The following NACC2 variants were observed in gnomAD, a reference collection of about 807,000 sequenced individuals.
NACC2 encodes nucleus accumbens-associated protein 2.
Under a neutral mutation model 25.1 loss-of-function variants are expected in NACC2, and 8 were observed. The ratio of observed to expected loss-of-function variants is 0.32; its 90% confidence interval spans 0.19 to 0.57. The LOEUF is 0.57. NACC2 is among the 20% of genes least tolerant of loss of function. The pLI is 0.89. For synonymous variants in NACC2, 435 were observed against 294.7 expected, an observed-to-expected ratio of 1.48 and a Z score of -4.88; for missense variants, 644 against 650.2, an observed-to-expected ratio of 0.99 and a Z score of 0.10.
At chr9:136,059,339 TC>T (rs1484952761) in intron 1 of NACC2, among the ~76,000 whole-genome samples, 12 of 152,076 alleles carry the variant, frequency 7.9e-5, no homozygotes, top group Non-Finnish European at 2.9e-5. Flanking sequence ...CACCAGCCCA[TC>T]CGGAGCAGGG....
intron 2 of NACC2, among the ~76,000 whole-genome samples, chr9:136,040,469 A>G (rs1658931099): frequency 1.3e-5 from 2 of 152,202 alleles, no homozygotes; most frequent in South Asian, 4.1e-4. Flanking sequence ...AAATACATGC[A>G]AAAAATATGT....
Position 136,049,877 on chromosome 9 carries a change from AG to A in NACC2, c.644del (p.Pro215LeufsTer147). ...AGTAGGAGACACGGGGCAGTTTGAG[AG>A]GGGCTGTGCCCGCCGCCACCGCAGC... Reference protein sequence around the residue: ...AGAAVAAGTAPLKLPRVSYYG... With the variant: ...AGAAVAAGTAXLKLPRVSYYG... On this transcript the variant is annotated frameshift_variant, in exon 2 of 6. Transcript: ENST00000277554. LOFTEE classifies it high-confidence loss of function. 1 of 625,920 alleles carries A rather than the reference AG, an allele frequency of 1.6e-6. No individual in the cohort carries two copies. The allele number at this position is 625,920 out of a possible 1,614,324, so 38.8% of individuals were successfully genotyped here.
In NACC2 at chr9:136,049,629, G is replaced by C. The variant is rs918761871; in HGVS notation, c.886+7C>G. 8 of 773,730 alleles carry C rather than the reference G, an allele frequency of 1.0e-5. No homozygotes were observed. The highest frequency in any genetic ancestry group is 3.4e-5 in the African/African-American group (2 of 58,610). 47.9% of individuals were successfully genotyped at this position (773,730 alleles called of 1,614,324 possible). On this transcript the variant is annotated splice_region_variant and intron_variant, in intron 2 of 5. Transcript: ENST00000277554. ...AGGTGGTGTGGGGCTCCACCCCGCC[G>C]CGTTACCTGCATAGCTGCCGGAGGC...
At chr9:136,046,460 C>T (rs1840726426) in intron 2 of NACC2, among the ~76,000 whole-genome samples, 1 of 152,192 alleles carries the variant, frequency 6.6e-6, no homozygotes, top group African/African-American at 2.4e-5. Context: ...CTGCCTGCCG[C>T]AGGGGTGATG....
At chr9:136,074,193 G>A (rs1830231376) in intron 1 of NACC2, among the ~76,000 whole-genome samples, 1 of 150,814 alleles carries the variant, frequency 6.6e-6, no homozygotes, top group East Asian at 2.0e-4. Flanking sequence ...GCTCATGCCT[G>A]TAATCCCAGC....
chr9:136,087,466 G>A (rs1181280677), intron 1 of NACC2, among the ~76,000 whole-genome samples: 4 of 152,198 alleles, frequency 2.6e-5, no homozygotes, highest in Non-Finnish European at 4.4e-5. Context: ...CCCCCAGAGC[G>A]GCATTCGCAG....
At chr9:136,034,300 T>C (rs1468399425) in intron 2 of NACC2, among the ~76,000 whole-genome samples, 1 of 152,070 alleles carries the variant, frequency 6.6e-6, no homozygotes, top group Non-Finnish European at 1.5e-5. Context: ...CCAGACGTAC[T>C]ACAGATCTGA....
intron 1 of NACC2, among the ~76,000 whole-genome samples, chr9:136,051,028 G>A (rs1564231456): frequency 6.6e-6 from 1 of 152,238 alleles, no homozygotes; most frequent in East Asian, 1.9e-4. Context: ...CTGGAGCAGC[G>A]GGGAAGGAGG....
At chr9:136,080,941 G>A (rs942450785) in intron 1 of NACC2, among the ~76,000 whole-genome samples, 2 of 152,168 alleles carry the variant, frequency 1.3e-5, no homozygotes, top group Non-Finnish European at 2.9e-5. Flanking sequence ...GGGGACACAG[G>A]CCTGGGACAG....
At chr9:136,079,133 G>A (rs1026104087) in intron 1 of NACC2, among the ~76,000 whole-genome samples, 4 of 151,340 alleles carry the variant, frequency 2.6e-5, no homozygotes, top group African/African-American at 7.3e-5. Context: ...ATGTCTGTGC[G>A]TCCCGTCCTT....
At chr9:136,052,019 C>G (rs2131164459) in intron 1 of NACC2, among the ~76,000 whole-genome samples, 1 of 152,328 alleles carries the variant, frequency 6.6e-6, no homozygotes, top group South Asian at 2.1e-4. Flanking sequence ...CACCGCATCT[C>G]AATGAAGGGG....
intron 1 of NACC2, among the ~76,000 whole-genome samples, chr9:136,062,330 G>C (rs73668059): frequency 6.6e-6 from 1 of 152,114 alleles, no homozygotes; most frequent in Non-Finnish European, 1.5e-5. Context: ...CCATCTACCC[G>C]GACCCTGGAA....
chr9:136,049,121 G>C (rs922409688), intron 2 of NACC2, among the ~76,000 whole-genome samples: 54 of 152,234 alleles, frequency 3.5e-4, no homozygotes, highest in Non-Finnish European at 6.6e-4. Context: ...AGCCCTCCTT[G>C]AAAGAAAGGA....
At chr9:136,043,727 C>T (rs1521444) in intron 2 of NACC2, among the ~76,000 whole-genome samples, 10 of 152,180 alleles carry the variant, frequency 6.6e-5, no homozygotes, top group Non-Finnish European at 1.5e-4. Context: ...GGGTAACATT[C>T]TACAGGAGGG....
At chr9:136,085,203 G>A (rs1830366569) in intron 1 of NACC2, among the ~76,000 whole-genome samples, 1 of 134,006 alleles carries the variant, frequency 7.5e-6, no homozygotes, top group Admixed American at 8.2e-5. Flanking sequence ...AGGCTGGAGT[G>A]CAGTGGTGCC....
At chr9:136,074,992 G>A (rs895687811) in intron 1 of NACC2, among the ~76,000 whole-genome samples, 1 of 152,248 alleles carries the variant, frequency 6.6e-6, no homozygotes, top group Non-Finnish European at 1.5e-5. Context: ...GGGGCTGGGG[G>A]AACAGCAATC....
At chr9:136,024,350 T>G (rs143148205) in intron 2 of NACC2, among the ~76,000 whole-genome samples, 26,534 of 110,486 alleles carry the variant, frequency 0.24, 4,623 homozygotes, top group East Asian at 0.32. Context: ...GAGGACAGAG[T>G]GTGTGTGTGT....
intron 2 of NACC2, among the ~76,000 whole-genome samples, chr9:136,048,854 TA>T (rs1024254973): frequency 2.0e-5 from 3 of 152,184 alleles, no homozygotes; most frequent in African/African-American, 4.8e-5. Flanking sequence ...AGAGAGTCCC[TA>T]CACTGCCCCT....
chr9:136,083,833 G>A (rs1423160487), intron 1 of NACC2, among the ~76,000 whole-genome samples: 1 of 152,224 alleles, frequency 6.6e-6, no homozygotes, highest in Admixed American at 6.5e-5. Context: ...CTGCTGAGGG[G>A]ACCCCCGGCC....
Sources: allele counts gnomAD v4.1 joint callset (sites outside exome capture counted in the v4.1 genomes callset), GRCh38; gene constraint gnomAD v4.1.1; transcripts MANE v1.5; gene names NCBI Gene and HGNC (gene_info 2026-07-23, HGNC 2026-07-21).